XKR4: variants seen among roughly 807,000 people sequenced by gnomAD.
The protein encoded by XKR4 is XK related 4.
Under a neutral mutation model 53.9 loss-of-function variants are expected in XKR4, and 12 were observed. The observed-to-expected ratio is 0.22, with a 90% CI of 0.14 to 0.36. XKR4 has a LOEUF of 0.36. XKR4 is among the 10% of genes least tolerant of loss of function. The probability of loss-of-function intolerance (pLI) is 1.00; values close to 1 mark genes in which losing one functional copy is unlikely to be tolerated. For synonymous variants in XKR4, 354 were observed against 362.4 expected (o/e 0.98, Z 0.26); for missense variants, 799 against 859.5 (o/e 0.93, Z 0.88).
chr8:55,293,428 C>A (rs1157252010), intron 1 of XKR4, among the ~76,000 whole-genome samples: 1 of 152,126 alleles, frequency 6.6e-6, no homozygotes, highest in African/African-American at 2.4e-5. Context: ...CAGTTGTAAT[C>A]ATTTAAAAAA....
intron 2 of XKR4, among the ~76,000 whole-genome samples, chr8:55,370,153 G>T (rs1156344425): frequency 3.9e-5 from 6 of 152,186 alleles, no homozygotes; most frequent in East Asian, 1.9e-4. Context: ...GGAACTGCTG[G>T]ATTCAAAGGC....
chr8:55,105,782 T>C (rs1211372768), intron 1 of XKR4, among the ~76,000 whole-genome samples: 1 of 152,228 alleles, frequency 6.6e-6, no homozygotes, highest in Non-Finnish European at 1.5e-5. Flanking sequence ...AACAAAACTT[T>C]AGCCTAATGT....
At chr8:55,147,308 G>A (rs997855) in intron 1 of XKR4, among the ~76,000 whole-genome samples, 64,936 of 152,098 alleles carry the variant, frequency 0.43, 15,096 homozygotes, top group African/African-American at 0.62. Flanking sequence ...ACAACAGCCA[G>A]TAGCCATAAG....
rs189608622 is a variant in XKR4, at chr8:55,408,461, A to G, written c.1006+50584A>G. On this transcript the variant is annotated intron_variant, in intron 2 of 2. Transcript: ENST00000327381. ...TGTATCATATCTCAAGATGTGGCCC[A>G]GGGAACCGCAGCAGGATGAGGAAGA... is the stretch of plus-strand genomic sequence containing the variant. Among the ~76,000 whole-genome samples the G allele has an allele frequency of 3.3e-5, 5 of 152,322 alleles. No homozygotes were observed. The East Asian group carries it at 7.7e-4, about 24-fold the overall frequency.
intron 2 of XKR4, among the ~76,000 whole-genome samples, chr8:55,399,678 G>A (rs1044546757): frequency 2.2e-4 from 33 of 152,314 alleles, no homozygotes; most frequent in African/African-American, 7.2e-4. Context: ...ATGGGCGCTC[G>A]TGCCAATGCA....
At chr8:55,438,491 G>A (rs1805211216) in intron 2 of XKR4, among the ~76,000 whole-genome samples, 2 of 151,252 alleles carry the variant, frequency 1.3e-5, no homozygotes, top group Admixed American at 1.3e-4. Context: ...TCAGGAGGCT[G>A]AGGAAGGAGA....
In XKR4 at chr8:55,523,522, C is replaced by A; in HGVS notation, c.1248C>A (p.Ile416=). 1 of 1,614,162 alleles carries A rather than the reference C, an allele frequency of 6.2e-7. No homozygotes were observed. The highest frequency in any genetic ancestry group is 8.5e-7 in the Non-Finnish European group (1 of 1,180,030). The change falls in exon 3 of 3, where the codon ATC becomes ATA. Residue 416 remains isoleucine (I), a synonymous_variant. Coordinates refer to ENST00000327381, the MANE Select transcript of XKR4 (RefSeq NM_052898.2). The part of the protein sequence containing the change: ...VLHWCIMTFW[I]VHCETEFCIT... ...ACTGGTGCATCATGACCTTCTGGATCGTCCACTGTGAGACAGAATTCTGTA... is the reference window on the plus strand; with the variant it reads ...ACTGGTGCATCATGACCTTCTGGATAGTCCACTGTGAGACAGAATTCTGTA...
At chr8:55,289,601 GAA>G (rs1818957494) in intron 1 of XKR4, among the ~76,000 whole-genome samples, 147 of 89,220 alleles carry the variant, frequency 1.6e-3, no homozygotes, top group African/African-American at 6.4e-3. Context: ...GAGAAAGAAA[GAA>G]AGAAAGAAAG....
At chr8:55,435,170 C>G (rs1805156376) in intron 2 of XKR4, among the ~76,000 whole-genome samples, 2 of 152,192 alleles carry the variant, frequency 1.3e-5, no homozygotes, top group Non-Finnish European at 2.9e-5. Flanking sequence ...CTTTCCAAAG[C>G]TGCATGCATT....
intron 1 of XKR4, among the ~76,000 whole-genome samples, chr8:55,350,738 CTTTTTTTTTTT>C (rs1028164969): frequency 8.2e-6 from 1 of 122,448 alleles, no homozygotes; most frequent in Non-Finnish European, 1.7e-5. Flanking sequence ...TTTTTCTTTT[CTTTTTTTTTTT>C]TTTTTTTTGA....
intron 1 of XKR4, among the ~76,000 whole-genome samples, chr8:55,153,866 T>C (rs1452853962): frequency 6.6e-6 from 1 of 152,230 alleles, no homozygotes; most frequent in Admixed American, 6.5e-5. Context: ...GACTTGTTAA[T>C]GCAGGAAGAT....
rs73682932 is a variant in XKR4 at position 55,264,386 on chromosome 8, G to A, written c.807-93292G>A. ...AATTTTGCCTATTTTGTTCACTGTT[G>A]TATCTACTAGTGCCTAGAACAGTGC... On this transcript the variant is annotated intron_variant, in intron 1 of 2. Transcript: ENST00000327381. Among the ~76,000 whole-genome samples the A allele has an allele frequency of 3.7e-3, 559 of 152,200 alleles. 5 individuals carry two copies. Among genetic ancestry groups the A allele is most frequent in the African/African-American group, 0.012 (506 of 41,508 alleles).
chr8:55,272,463 G>A (rs1188401962), intron 1 of XKR4, among the ~76,000 whole-genome samples: 1 of 152,130 alleles, frequency 6.6e-6, no homozygotes, highest in Non-Finnish European at 1.5e-5. Flanking sequence ...ATTTGTCACA[G>A]AGCAAATGGC....
At chr8:55,474,725 A>G (rs1805947794) in intron 2 of XKR4, among the ~76,000 whole-genome samples, 1 of 152,172 alleles carries the variant, frequency 6.6e-6, no homozygotes, top group Non-Finnish European at 1.5e-5. Context: ...ATGGATGCTA[A>G]TGAGGCTCTG....
At chr8:55,453,996 C>T (rs1378105740) in intron 2 of XKR4, 2 of 852,188 alleles carry the variant, frequency 2.3e-6, no homozygotes, top group Non-Finnish European at 1.9e-6. Context: ...AAGCGGATGA[C>T]AGGCTCCGGG....
In XKR4 at chr8:55,288,363, C is replaced by T. The variant is rs1585988386; in HGVS notation, c.807-69315C>T. Among the ~76,000 whole-genome samples the T allele has an allele frequency of 2.0e-5, 3 of 152,092 alleles. No homozygotes were observed. In the East Asian group the frequency reaches 5.8e-4, roughly 29 times the overall value. On this transcript the variant is annotated intron_variant, in intron 1 of 2. Coordinates refer to ENST00000327381, the MANE Select transcript of XKR4 (RefSeq NM_052898.2). Reference sequence around the variant, plus strand: ...TTTTAAAAAGTTGCTAAAGATGTTGCCAGAAAAGTAAGGGGTGTAAAATTC... The same window carrying T: ...TTTTAAAAAGTTGCTAAAGATGTTGTCAGAAAAGTAAGGGGTGTAAAATTC...
At chr8:55,105,766 CA>C (rs1816136134) in intron 1 of XKR4, among the ~76,000 whole-genome samples, 1 of 151,818 alleles carries the variant, frequency 6.6e-6, no homozygotes, top group African/African-American at 2.4e-5. Context: ...GTATATTTTT[CA>C]AAAAAACAAA....
intron 1 of XKR4, among the ~76,000 whole-genome samples, chr8:55,321,079 A>G (rs1803205296): frequency 6.6e-6 from 1 of 152,100 alleles, no homozygotes; most frequent in East Asian, 1.9e-4. Context: ...GATAGAAACG[A>G]GGAGGTAAGC....
At chr8:55,298,761 CAT>C (rs1342979340) in intron 1 of XKR4, among the ~76,000 whole-genome samples, 15 of 152,096 alleles carry the variant, frequency 9.9e-5, no homozygotes, top group Admixed American at 3.3e-4. Flanking sequence ...CATGCACACA[CAT>C]GTATATGTAT....
Sources: gnomAD v4.1 joint callset for allele counts (sites outside exome capture counted in the v4.1 genomes callset) on GRCh38, gnomAD v4.1.1 for gene constraint, MANE v1.5 for transcripts, NCBI Gene and HGNC (gene_info 2026-07-23, HGNC 2026-07-21) for gene names.